The following AGBL1 variants were observed in gnomAD, a reference collection of about 807,000 sequenced individuals.
AGBL1 encodes AGBL carboxypeptidase 1.
AGBL1 carries 130 observed loss-of-function variants against 118.9 expected under a neutral mutation model. The ratio of observed to expected loss-of-function variants is 1.09; its 90% confidence interval spans 0.95 to 1.26. AGBL1 has a LOEUF of 1.26. AGBL1 is among the 50% of genes most tolerant of loss of function. The pLI is 0.00. For synonymous variants in AGBL1, 555 were observed against 478.9 expected (o/e 1.16, Z -2.08); for missense variants, 1,584 against 1,298.1 (o/e 1.22, Z -3.38).
At chr15:86,675,690 C>T (rs1348286029) in intron 22 of AGBL1, among the ~76,000 whole-genome samples, 1 of 152,110 alleles carries the variant, frequency 6.6e-6, no homozygotes, top group Non-Finnish European at 1.5e-5. Flanking sequence ...TTCCACCTGC[C>T]AGCATATATA....
chr15:86,887,809 G>A (rs2079992034), intron 22 of AGBL1, among the ~76,000 whole-genome samples: 1 of 152,032 alleles, frequency 6.6e-6, no homozygotes, highest in South Asian at 2.1e-4. Flanking sequence ...AATTGAATTA[G>A]TATAAATAGA....
chr15:86,264,625 C>T lies in AGBL1; in HGVS notation c.1454C>T (p.Ser485Phe), dbSNP rs771044459. Residue 485 changes from serine (S) to phenylalanine (F), a missense_variant, in exon 11 of 23, where the codon TCC (serine) becomes TTC (phenylalanine). Transcript: ENST00000614907. Reference protein sequence around the residue: ...CPRMSASFSNSTRTREVVKVI... With the variant: ...CPRMSASFSNFTRTREVVKVI... The stretch of plus-strand genomic sequence containing the variant: ...AGGATGAGTGCCTCCTTTTCTAATT[C>T]CACTAGGACTAGAGAAGTTGTCAAA... 17 of 1,613,730 alleles carry T rather than the reference C, an allele frequency of 1.1e-5. No homozygotes were observed. The Middle Eastern group carries it at 1.3e-3, about 125-fold the overall frequency.
At chr15:86,514,251 T>C (rs979234817) in intron 18 of AGBL1, among the ~76,000 whole-genome samples, 156 of 152,160 alleles carry the variant, frequency 1.0e-3, no homozygotes, top group African/African-American at 3.6e-3. Context: ...ACAGAGTTAA[T>C]TCCTTATTTG....
At chr15:86,565,861 C>A (rs2083905157) in intron 21 of AGBL1, among the ~76,000 whole-genome samples, 1 of 152,242 alleles carries the variant, frequency 6.6e-6, no homozygotes, top group African/African-American at 2.4e-5. Context: ...TCGCTGCTGC[C>A]TTGCAGTTCG....
intron 18 of AGBL1, among the ~76,000 whole-genome samples, chr15:86,470,124 G>C (rs1051807686): frequency 1.3e-5 from 2 of 152,108 alleles, no homozygotes; most frequent in African/African-American, 4.8e-5. Context: ...GTGCTTTAGA[G>C]ATCGTAGCCA....
intron 22 of AGBL1, among the ~76,000 whole-genome samples, chr15:86,737,202 G>A (rs2077614756): frequency 6.6e-6 from 1 of 152,174 alleles, no homozygotes; most frequent in Non-Finnish European, 1.5e-5. Flanking sequence ...CTGGGGGAAG[G>A]GAGCTGGAAG....
chr15:86,525,157 CAA>C (rs34846889), intron 19 of AGBL1, among the ~76,000 whole-genome samples: 3 of 144,704 alleles, frequency 2.1e-5, no homozygotes, highest in Non-Finnish European at 4.6e-5. Flanking sequence ...ACAATAGCTA[CAA>C]AAAAAAAATA....
Position 86,701,662 on chromosome 15 carries a change from T to A in AGBL1, c.3158+27226T>A, listed in dbSNP as rs190717149. ...CTCCTCCCCTCCCCTCCCCTCTCCA[T>A]TTTTTCCCTCCCCTTCCTTCCCTCT... On this transcript the variant is annotated intron_variant, in intron 22 of 22. Coordinates refer to ENST00000614907, the MANE Select transcript of AGBL1 (RefSeq NM_001386094.1). Among the ~76,000 whole-genome samples, 425 of 130,450 alleles carry A rather than the reference T, an allele frequency of 3.3e-3. 1 individual carries two copies. The highest frequency in any genetic ancestry group is 0.011 in the African/African-American group (402 of 35,748). The allele number at this position is 130,450 out of a possible 152,430, so 85.6% of individuals were successfully genotyped here.
At chr15:86,414,469 G>A (rs1285888773) in intron 18 of AGBL1, among the ~76,000 whole-genome samples, 2 of 152,142 alleles carry the variant, frequency 1.3e-5, no homozygotes, top group African/African-American at 4.8e-5. Context: ...TGGAAGAAGA[G>A]TGATAGTATC....
At chr15:86,153,392 T>C (rs554457438) in intron 3 of AGBL1, among the ~76,000 whole-genome samples, 132 of 152,062 alleles carry the variant, frequency 8.7e-4, no homozygotes, top group African/African-American at 3.0e-3. Context: ...ACCATCATTC[T>C]CAGCAAACTG....
chr15:86,098,808 G>C (rs1896538461), intron 1 of AGBL1, among the ~76,000 whole-genome samples: 1 of 151,402 alleles, frequency 6.6e-6, no homozygotes, highest in Admixed American at 6.6e-5. Flanking sequence ...TCTTTTTTTT[G>C]GTTCTATAAA....
rs1307320647 is a variant in AGBL1, at chr15:86,158,987, T to C, written c.449T>C (p.Val150Ala). 4.3e-6 allele frequency: 7 copies of C among 1,613,388 alleles called. No individual in the cohort carries two copies. In the Admixed American group the frequency reaches 1.2e-4, roughly 27 times the overall value. The change falls in exon 5 of 23, where the codon GTT (valine) becomes GCT (alanine). Residue 150 changes from valine to alanine, a missense_variant. Transcript: ENST00000614907. ...GGAGCCATGGAACTGCTTTTCAAGG[T>C]TATTACTCCTTACACCCGAAAGCGC... ...INGAMELLFK[V>A]ITPYTRKRTQ...
At chr15:86,161,831 C>T (rs920627284) in intron 5 of AGBL1, among the ~76,000 whole-genome samples, 7 of 152,222 alleles carry the variant, frequency 4.6e-5, no homozygotes, top group Non-Finnish European at 8.8e-5. Flanking sequence ...AAGCCTCCTT[C>T]TACCAGATTC....
At chr15:86,566,204 C>T (rs2083911208) in intron 21 of AGBL1, among the ~76,000 whole-genome samples, 2 of 152,196 alleles carry the variant, frequency 1.3e-5, no homozygotes, top group African/African-American at 2.4e-5. Context: ...CATACATCAC[C>T]CGTCTTCTGC....
At chr15:86,081,934 G>T (rs1345890946) in intron 1 of AGBL1, among the ~76,000 whole-genome samples, 1 of 152,166 alleles carries the variant, frequency 6.6e-6, no homozygotes, top group East Asian at 1.9e-4. Context: ...TCACCCCGGG[G>T]CACTGCTAGA....
intron 1 of AGBL1, among the ~76,000 whole-genome samples, chr15:86,136,360 A>G (rs1396977844): frequency 1.3e-5 from 2 of 152,190 alleles, no homozygotes; most frequent in African/African-American, 4.8e-5. Context: ...AATTAGAACA[A>G]ATAATTCTGT....
chr15:86,961,187 AATC>A (rs765504434), intron 23 of AGBL1, among the ~76,000 whole-genome samples: 5 of 152,062 alleles, frequency 3.3e-5, no homozygotes, highest in Non-Finnish European at 5.9e-5. Flanking sequence ...TGTGTTATCA[AATC>A]ATCATGCTGT....
intron 3 of AGBL1, among the ~76,000 whole-genome samples, chr15:86,153,281 A>C (rs1247703541): frequency 6.6e-6 from 1 of 152,222 alleles, no homozygotes; most frequent in Non-Finnish European, 1.5e-5. Context: ...ACAATGATAG[A>C]CTGGATTAAG....
chr15:86,468,098 A>C (rs531469916), intron 18 of AGBL1, among the ~76,000 whole-genome samples: 15 of 152,194 alleles, frequency 9.9e-5, no homozygotes, highest in Middle Eastern at 3.4e-3. Context: ...GCAAGTATAT[A>C]ATGAGAGTAG....
Sources: allele counts gnomAD v4.1 joint callset (sites outside exome capture counted in the v4.1 genomes callset), GRCh38; gene constraint gnomAD v4.1.1; transcripts MANE v1.5; gene names NCBI Gene and HGNC (gene_info 2026-07-23, HGNC 2026-07-21).